ACAT1: variants seen among roughly 807,000 people sequenced by gnomAD.
The protein encoded by ACAT1 is acetyl-CoA acetyltransferase 1.
A neutral mutation model predicts 47.3 loss-of-function variants in ACAT1; 28 were observed. The observed-to-expected ratio is 0.59, with a 90% confidence interval of 0.44 to 0.81. The LOEUF (loss-of-function observed/expected upper bound fraction) is 0.81, where lower values mean the gene tolerates loss of function less well. ACAT1 is among the 30% of genes least tolerant of loss of function. The pLI is 0.00. For synonymous variants in ACAT1, 181 were observed against 173.6 expected (o/e 1.04, Z -0.34); for missense variants, 469 against 524.3 (o/e 0.89, Z 1.03).
chr11:108,131,498 T>C (rs1046362562), intron 1 of ACAT1, among the ~76,000 whole-genome samples: 12 of 151,828 alleles, frequency 7.9e-5, no homozygotes, highest in African/African-American at 2.9e-4. Flanking sequence ...ATTATAGGCA[T>C]GTGCCACAAT....
chr11:108,142,836 T>TA (rs779027083), intron 9 of ACAT1: 438 of 358,316 alleles, frequency 1.2e-3, no homozygotes, highest in South Asian at 3.9e-3. Context: ...GACCCTGTCT[T>TA]AAAAAAAAAT....
At chr11:108,136,776 T>G (rs2077476853) in intron 5 of ACAT1, 2 of 152,218 alleles carry the variant, frequency 1.3e-5, no homozygotes, top group South Asian at 4.1e-4. Flanking sequence ...GAATAAAACT[T>G]AGATGAGAAC....
At chr11:108,123,764 T>C (rs2077195421) in intron 1 of ACAT1, among the ~76,000 whole-genome samples, 1 of 152,142 alleles carries the variant, frequency 6.6e-6, no homozygotes, top group South Asian at 2.1e-4. Context: ...GGTCTTGAAC[T>C]CCTGGCCTGC....
chr11:108,121,596 C>T lies in ACAT1; in HGVS notation c.-11C>T, dbSNP rs1301882627. 6.4e-7 allele frequency: 1 copy of T among 1,550,412 alleles called. No individual in the cohort carries two copies. The highest frequency in any genetic ancestry group is 1.4e-5 in the African/African-American group (1 of 73,102). On this transcript the variant is annotated 5_prime_UTR_variant, in exon 1 of 12. Coordinates refer to ENST00000265838, the MANE Select transcript of ACAT1 (RefSeq NM_000019.4). The stretch of plus-strand genomic sequence containing the variant: ...TACGCCTGTGGAGCCGATACTCAGC[C>T]CTCTGCGACCATGGCTGTGCTGGCG...
upstream of ACAT1, among the ~76,000 whole-genome samples, chr11:108,121,078 G>A (rs2077139865): frequency 6.6e-6 from 1 of 152,052 alleles, no homozygotes; most frequent in Non-Finnish European, 1.5e-5. Context: ...GCTTTCGCCT[G>A]TAGTCTCAGC....
Position 108,140,373 on chromosome 11 carries a change from A to C in ACAT1, c.730+158A>C, listed in dbSNP as rs117727626. On this transcript the variant is annotated intron_variant, in intron 7 of 11. Coordinates refer to ENST00000265838, the MANE Select transcript of ACAT1 (RefSeq NM_000019.4). ...GTTCAGAGAGAATATAAATCTACCCAACTTAATGTCAGATTTCAATCCATT... is the reference window on the plus strand; with the variant it reads ...GTTCAGAGAGAATATAAATCTACCCCACTTAATGTCAGATTTCAATCCATT... 2.5e-3 allele frequency among the ~76,000 whole-genome samples: 374 copies of C among 152,352 alleles called. 2 individuals carry two copies. The highest frequency in any genetic ancestry group is 3.7e-3 in the Non-Finnish European group (254 of 68,032).
chr11:108,121,579 T>A lies in ACAT1; in HGVS notation c.-28T>A, dbSNP rs36216231. The A allele has an allele frequency of 1.2e-3, 1,816 of 1,549,206 alleles. 24 individuals carry two copies. The East Asian group carries it at 0.028, about 23-fold the overall frequency. ...GGAGGAGGCCGCTAGTCTACGCCTGTGGAGCCGATACTCAGCCCTCTGCGA... is the reference window on the plus strand; with the variant it reads ...GGAGGAGGCCGCTAGTCTACGCCTGAGGAGCCGATACTCAGCCCTCTGCGA... On this transcript the variant is annotated 5_prime_UTR_variant, in exon 1 of 12. Coordinates refer to ENST00000265838, the MANE Select transcript of ACAT1 (RefSeq NM_000019.4).
At chr11:108,141,530 G>A in intron 7 of ACAT1, 75 bp from the exon 8 acceptor site, 1 of 1,057,226 alleles carries the variant, frequency 9.5e-7, no homozygotes, top group Non-Finnish European at 1.4e-6. Flanking sequence ...CAGACTACTA[G>A]GCATCTTGTA....
intron 5 of ACAT1, chr11:108,136,054 C>G (rs772149877): frequency 6.1e-6 from 4 of 655,964 alleles, no homozygotes; most frequent in Non-Finnish European, 1.1e-5. Flanking sequence ...TGATCTATAT[C>G]TTGTCTTTAC....
At chr11:108,144,241 G>A (rs1272198415) in intron 10 of ACAT1, 194 bp downstream of exon 10, 5 of 618,578 alleles carry the variant, frequency 8.1e-6, no homozygotes, top group Non-Finnish European at 1.4e-5. Context: ...ATAAAGAACA[G>A]CTCACAAACT....
intron 4 of ACAT1, among the ~76,000 whole-genome samples, chr11:108,134,829 C>A (rs2077435203): frequency 6.7e-6 from 1 of 150,068 alleles, no homozygotes; most frequent in Admixed American, 6.7e-5. Context: ...CCTGTAGTCC[C>A]AGCTACTCCG....
At chr11:108,127,336 C>T (rs1019331766) in intron 1 of ACAT1, among the ~76,000 whole-genome samples, 6 of 150,284 alleles carry the variant, frequency 4.0e-5, no homozygotes, top group African/African-American at 1.5e-4. Flanking sequence ...GTGATCTTGG[C>T]TTACTGCAAG....
chr11:108,142,081 T>C (rs962443406), intron 8 of ACAT1, among the ~76,000 whole-genome samples: 3 of 152,180 alleles, frequency 2.0e-5, no homozygotes, highest in Non-Finnish European at 4.4e-5. Context: ...AGAATAAATA[T>C]CTGATTTGAA....
chr11:108,141,369 C>CA (rs60002941), intron 7 of ACAT1, among the ~76,000 whole-genome samples: 5,164 of 69,204 alleles, frequency 0.075, 518 homozygotes, highest in African/African-American at 0.16. Context: ...AACCCTGCCT[C>CA]AAAAAAAAAA....
chr11:108,135,691 G>A (rs1252159237), intron 5 of ACAT1, among the ~76,000 whole-genome samples: 1 of 152,094 alleles, frequency 6.6e-6, no homozygotes, highest in African/African-American at 2.4e-5. Context: ...AGCTGGGCGT[G>A]GTGGCAGGTG....
At chr11:108,121,719 C>T in intron 1 of ACAT1, 41 bp downstream of exon 1, 3 of 1,539,062 alleles carry the variant, frequency 1.9e-6, no homozygotes, top group Non-Finnish European at 2.6e-6. Flanking sequence ...ACCCGGGATG[C>T]GAGGAGTCCC....
At position 108,135,320 on chromosome 11, in the gene ACAT1, A is replaced by C. The variant is rs10890817; in HGVS notation, c.435+78A>C. The stretch of plus-strand genomic sequence containing the variant: ...AAGACACAAAAATCTAGGCATATTC[A>C]TATTTTAGAAATGAGATTCTTTCTC... On this transcript the variant is annotated intron_variant, in intron 5 of 11. Coordinates refer to ENST00000265838, the MANE Select transcript of ACAT1 (RefSeq NM_000019.4). 591,081 of 1,015,204 alleles carry C rather than the reference A, an allele frequency of 0.58. 179,315 individuals carry two copies. Among genetic ancestry groups the C allele is most frequent in the East Asian group, 0.88 (36,266 of 41,232 alleles). The allele number at this position is 1,015,204 out of a possible 1,614,324, so 62.9% of individuals were successfully genotyped here.
At chr11:108,136,629 TTA>T (rs1425072789) in intron 5 of ACAT1, 2 of 152,280 alleles carry the variant, frequency 1.3e-5, no homozygotes, top group Non-Finnish European at 2.9e-5. Flanking sequence ...ATACAGTGAC[TTA>T]TAGGCATTCT....
rs980651269 is a variant in ACAT1 at position 108,143,974 on chromosome 11, T to A, written c.941-9T>A. 1 of 712,794 alleles carries A rather than the reference T, an allele frequency of 1.4e-6. No homozygotes were observed. Among genetic ancestry groups the A allele is most frequent in the Non-Finnish European group, 2.4e-6 (1 of 423,778 alleles). The allele number at this position is 712,794 out of a possible 1,614,324, so 44.2% of individuals were successfully genotyped here. ...TTTTAACAACCCCCCCCCCCCTTTT[T>A]TTAAACAGCATTTGCTGACGCTGCT... is the stretch of plus-strand genomic sequence containing the variant. On this transcript the variant is annotated splice_polypyrimidine_tract_variant and intron_variant, in intron 9 of 11. Transcript: ENST00000265838.
Sources: gnomAD v4.1 joint callset for allele counts (sites outside exome capture counted in the v4.1 genomes callset) on GRCh38, gnomAD v4.1.1 for gene constraint, MANE v1.5 for transcripts, NCBI Gene and HGNC (gene_info 2026-07-23, HGNC 2026-07-21) for gene names.